TMTC4: variants seen among roughly 807,000 people sequenced by gnomAD.
The protein encoded by TMTC4 is transmembrane O-mannosyltransferase targeting cadherins 4.
TMTC4 carries 65 observed loss-of-function variants against 86.0 expected under a neutral mutation model. That is an observed-to-expected ratio of 0.76 (90% CI 0.62 to 0.93). TMTC4 has a LOEUF of 0.93. Among genes scored for constraint, TMTC4 ranks in the 40% least tolerant of loss-of-function variants. The pLI, the probability that TMTC4 is intolerant of heterozygous loss-of-function variation, is 0.00. For missense variants in TMTC4, 866 were observed against 948.1 expected (o/e 0.91, Z 1.14); for synonymous variants, 379 against 382.5 (o/e 0.99, Z 0.11).
At chr13:100,666,114 A>G (rs555924398) in intron 3 of TMTC4, 48 of 451,670 alleles carry the variant, frequency 1.1e-4, no homozygotes, top group African/African-American at 9.6e-4. Flanking sequence ...TGTGCTACAG[A>G]AAGAAAGGTC....
At chr13:100,634,139 CAA>C (rs113105859) in intron 12 of TMTC4, among the ~76,000 whole-genome samples, 27 of 88,012 alleles carry the variant, frequency 3.1e-4, no homozygotes, top group Admixed American at 4.8e-4. Flanking sequence ...GACCCAGTCT[CAA>C]AAAAAAAAAA....
At chr13:100,617,509 G>A (rs1594244276) in intron 15 of TMTC4, among the ~76,000 whole-genome samples, 1 of 152,244 alleles carries the variant, frequency 6.6e-6, no homozygotes, top group Non-Finnish European at 1.5e-5. Context: ...TTTGTGTTTT[G>A]TGAAAGGTAG....
Position 100,634,858 on chromosome 13 carries a change from T to C in TMTC4, c.1453A>G (p.Ser485Gly), listed in dbSNP as rs752551496. The C allele has an allele frequency of 5.0e-6, 8 of 1,614,138 alleles. No homozygotes were observed. Among genetic ancestry groups the C allele is most frequent in the Non-Finnish European group, 5.9e-6 (7 of 1,180,036 alleles). ...RCVLRSGEWR[S>G]EEQLFRSALS... ...GCACTTCTGAAAAGCTGTTCCTCAC[T>C]CCGCCACTCGCCGCTGCGCAGCACA... Residue 485 changes from serine (S) to glycine (G), a missense_variant, in exon 12 of 19, where the codon AGT becomes GGT. Transcript: ENST00000342624.
At chr13:100,613,106 A>C (rs1470851208) in intron 16 of TMTC4, among the ~76,000 whole-genome samples, 1 of 152,214 alleles carries the variant, frequency 6.6e-6, no homozygotes, top group East Asian at 1.9e-4. Context: ...TACGTTAGGA[A>C]CATTTCACAT....
intron 5 of TMTC4, among the ~76,000 whole-genome samples, chr13:100,657,758 A>G (rs1885280561): frequency 6.6e-6 from 1 of 152,208 alleles, no homozygotes; most frequent in African/African-American, 2.4e-5. Context: ...ATATACACTG[A>G]CTACGAAATT....
chr13:100,612,048 C>T (rs111446952), intron 17 of TMTC4, among the ~76,000 whole-genome samples: 9 of 152,312 alleles, frequency 5.9e-5, no homozygotes, highest in African/African-American at 1.2e-4. Flanking sequence ...GGGGCACCTC[C>T]GGGGATGCAC....
Position 100,606,619 on chromosome 13 carries a change from G to A in TMTC4, c.2065-192C>T, listed in dbSNP as rs142941258. On this transcript the variant is annotated intron_variant, in intron 17 of 18. Coordinates refer to ENST00000342624, the MANE Select transcript of TMTC4 (RefSeq NM_032813.5). Reference sequence around the variant, plus strand: ...GAGGCTGACAAGGAGCAGTGGGAGGGAGTGGTGGCCGCAGAGAGGGGATGA... The same window carrying A: ...GAGGCTGACAAGGAGCAGTGGGAGGAAGTGGTGGCCGCAGAGAGGGGATGA... 1.9e-3 allele frequency among the ~76,000 whole-genome samples: 286 copies of A among 152,322 alleles called. 8 individuals are homozygous for A. In the East Asian group the frequency reaches 0.03, roughly 16 times the overall value.
intron 17 of TMTC4, among the ~76,000 whole-genome samples, chr13:100,609,120 T>A (rs1877138923): frequency 6.6e-6 from 1 of 152,138 alleles, no homozygotes; most frequent in South Asian, 2.1e-4. Context: ...CTATTCTCCC[T>A]CCTTCCTTCT....
At chr13:100,607,546 T>C (rs1265519354) in intron 17 of TMTC4, among the ~76,000 whole-genome samples, 2 of 149,566 alleles carry the variant, frequency 1.3e-5, no homozygotes, top group East Asian at 1.9e-4. Context: ...GTATCACACA[T>C]TGAGCTTAAC....
intron 12 of TMTC4, among the ~76,000 whole-genome samples, chr13:100,627,519 C>T (rs752134927): frequency 3.6e-4 from 55 of 152,234 alleles, no homozygotes; most frequent in Non-Finnish European, 7.1e-4. Flanking sequence ...ATGCCTCGCT[C>T]CCACCTCTGC....
chr13:100,655,916 C>CTGAGCCTGTCAG (rs1200491346), intron 6 of TMTC4, among the ~76,000 whole-genome samples: 2 of 152,146 alleles, frequency 1.3e-5, no homozygotes, highest in Non-Finnish European at 2.9e-5. Flanking sequence ...AAGACAGGGC[C>CTGAGCCTGTCAG]TGAGCCTGGG....
At chr13:100,674,175 C>T (rs1365326884) in intron 1 of TMTC4, 20 of 972,206 alleles carry the variant, frequency 2.1e-5, no homozygotes, top group Non-Finnish European at 2.3e-5. Context: ...GCCCCGGGCG[C>T]CCGGGCCGGT....
At chr13:100,632,053 ACTCT>A (rs67759381) in intron 12 of TMTC4, among the ~76,000 whole-genome samples, 927 of 42,912 alleles carry the variant, frequency 0.022, 18 homozygotes, top group East Asian at 0.11. Flanking sequence ...ACACACACAC[ACTCT>A]CTCTCTCTCT....
At chr13:100,636,337 C>T (rs377303129) in intron 10 of TMTC4, among the ~76,000 whole-genome samples, 195 bp downstream of exon 10, 1 of 152,202 alleles carries the variant, frequency 6.6e-6, no homozygotes, top group African/African-American at 2.4e-5. Context: ...GCTCCTCTTC[C>T]AGCCTCGCTC....
intron 15 of TMTC4, chr13:100,624,313 G>C (rs1341978538): frequency 1.3e-5 from 2 of 149,632 alleles, no homozygotes; most frequent in Non-Finnish European, 3.0e-5. Flanking sequence ...CTGCACTCCA[G>C]CTTGGGTGAC....
Position 100,637,616 on chromosome 13 carries a change from C to A in TMTC4, c.921G>T (p.Trp307Cys). The A allele has an allele frequency of 1.2e-6, 2 of 1,614,198 alleles. No homozygotes were observed. The highest frequency in any genetic ancestry group is 4.5e-5 in the East Asian group (2 of 44,874). ...CCGGCGGGCCCGTGCCCATGATCCT[C>A]CAGCGCACGTAGAGCATCCCAGCCC... ...SGGAGMLYVR[W>C]RIMGTGPPAF... is the part of the protein sequence containing the mutation. Residue 307 changes from tryptophan to cysteine, a missense_variant, in exon 9 of 19, where the codon TGG becomes TGT. By Grantham distance (215) the Trp-to-Cys change is radical. Transcript: ENST00000342624.
At chr13:100,636,760 T>C (rs1818667717) in intron 9 of TMTC4, 26 bp from the exon 10 acceptor site, 2 of 1,612,386 alleles carry the variant, frequency 1.2e-6, no homozygotes, top group Non-Finnish European at 1.7e-6. Flanking sequence ...AGAACAAACA[T>C]CTATTTGATA....
chr13:100,629,482 G>C lies in TMTC4; in HGVS notation c.1507-3332C>G, dbSNP rs185516037. Among the ~76,000 whole-genome samples, 112 of 152,194 alleles carry C rather than the reference G, an allele frequency of 7.4e-4. No individual in the cohort carries two copies. In the South Asian group the frequency reaches 8.1e-3, roughly 11 times the overall value. ...ATAAACTGCTTCGGGGCCATTCAGC[G>C]TCTCATCTAGGGCTGTGAAGTTGGA... is the stretch of plus-strand genomic sequence containing the variant. On this transcript the variant is annotated intron_variant, in intron 12 of 18. Transcript: ENST00000342624.
intron 16 of TMTC4, among the ~76,000 whole-genome samples, chr13:100,613,085 G>T (rs1877899160): frequency 6.6e-6 from 1 of 152,100 alleles, no homozygotes; most frequent in South Asian, 2.1e-4. Flanking sequence ...CTCAAATATT[G>T]ATCATTTCTT....
Sources: gnomAD v4.1 joint callset for allele counts (sites outside exome capture counted in the v4.1 genomes callset) on GRCh38, gnomAD v4.1.1 for gene constraint, MANE v1.5 for transcripts, NCBI Gene and HGNC (gene_info 2026-07-23, HGNC 2026-07-21) for gene names.